Variants in TMEM156 observed in about 807,000 individuals in gnomAD.
The protein encoded by TMEM156 is transmembrane protein 156.
TMEM156 carries 28 observed loss-of-function variants against 30.5 expected under a neutral mutation model. The observed-to-expected ratio is 0.92, with a 90% CI of 0.68 to 1.26. The LOEUF is 1.26. TMEM156 is among the 50% of genes most tolerant of loss of function. TMEM156 has a pLI of 0.00. For missense variants in TMEM156, 351 were observed against 340.6 expected, an observed-to-expected ratio of 1.03 and a Z score of -0.24; for synonymous variants, 137 against 119.9, an observed-to-expected ratio of 1.14 and a Z score of -0.93.
chr4:39,019,405 T>C (rs1897133), intron 1 of TMEM156, among the ~76,000 whole-genome samples: 31,335 of 152,152 alleles, frequency 0.21, 4,374 homozygotes, highest in African/African-American at 0.4. Flanking sequence ...GTTGGTTCTT[T>C]TTCAAATCTG....
At chr4:38,986,089 A>G (rs59906750) in intron 5 of TMEM156, among the ~76,000 whole-genome samples, 3,457 of 152,284 alleles carry the variant, frequency 0.023, 132 homozygotes, top group African/African-American at 0.079. Flanking sequence ...TCCTCTGCCT[A>G]CTCACATGAA....
chr4:38,973,526 A>AT (rs917368051), intron 5 of TMEM156, among the ~76,000 whole-genome samples: 5 of 152,078 alleles, frequency 3.3e-5, no homozygotes, highest in Non-Finnish European at 5.9e-5. Flanking sequence ...GATCCCATTA[A>AT]TTTTTTAAAT....
chr4:38,979,900 G>A (rs1039271349), intron 5 of TMEM156, among the ~76,000 whole-genome samples: 5 of 152,160 alleles, frequency 3.3e-5, no homozygotes, highest in Non-Finnish European at 5.9e-5. Flanking sequence ...CCAGAGAAAT[G>A]CAGAACTTCA....
At chr4:38,988,319 G>A (rs1280414910) in intron 4 of TMEM156, among the ~76,000 whole-genome samples, 1 of 152,188 alleles carries the variant, frequency 6.6e-6, no homozygotes, top group Non-Finnish European at 1.5e-5. Context: ...CACATCCTGG[G>A]CTCAAGTGAT....
chr4:39,012,071 T>C (rs1189748814), intron 1 of TMEM156, among the ~76,000 whole-genome samples: 2 of 152,152 alleles, frequency 1.3e-5, no homozygotes, highest in East Asian at 1.9e-4. Flanking sequence ...GGGTAATATG[T>C]TCACCACTTG....
intron 6 of TMEM156, among the ~76,000 whole-genome samples, chr4:38,967,908 G>A (rs1279128070): frequency 6.6e-6 from 1 of 152,174 alleles, no homozygotes; most frequent in Non-Finnish European, 1.5e-5. Context: ...CCCAGTAGTG[G>A]GATTGCTAAA....
At chr4:39,025,747 A>C (rs541076824) in intron 1 of TMEM156, among the ~76,000 whole-genome samples, 28 of 152,354 alleles carry the variant, frequency 1.8e-4, no homozygotes, top group African/African-American at 6.7e-4. Context: ...AGAAAATGGC[A>C]GGAAAATGAC....
intron 1 of TMEM156, among the ~76,000 whole-genome samples, chr4:39,003,638 GATT>G (rs1381075855): frequency 8.1e-6 from 1 of 123,484 alleles, no homozygotes; most frequent in African/African-American, 2.8e-5. Context: ...GTTGTAATCA[GATT>G]GTAACTACAA....
intron 1 of TMEM156, among the ~76,000 whole-genome samples, chr4:39,018,396 G>T (rs540024977): frequency 7.2e-4 from 109 of 152,208 alleles, no homozygotes; most frequent in Non-Finnish European, 8.4e-4. Flanking sequence ...GATTTGTTTA[G>T]ATTTACTCAC....
chr4:39,009,543 T>C (rs183459346), intron 1 of TMEM156, among the ~76,000 whole-genome samples: 1 of 152,242 alleles, frequency 6.6e-6, no homozygotes, highest in African/African-American at 2.4e-5. Context: ...AAGCAATTAA[T>C]TCACCACAAT....
intron 3 of TMEM156, among the ~76,000 whole-genome samples, 172 bp downstream of exon 3, chr4:38,993,566 T>A (rs554454831): frequency 6.6e-6 from 1 of 152,190 alleles, no homozygotes; most frequent in Non-Finnish European, 1.5e-5. Flanking sequence ...ATAAAAAGCA[T>A]ATTTTGAAAG....
At chr4:38,991,923 G>C (rs1712494276) in intron 3 of TMEM156, among the ~76,000 whole-genome samples, 1 of 152,028 alleles carries the variant, frequency 6.6e-6, no homozygotes, top group Admixed American at 6.6e-5. Flanking sequence ...CTTCTGTTCA[G>C]ATCTACTCAG....
chr4:39,020,539 A>C (rs898460547), intron 1 of TMEM156, among the ~76,000 whole-genome samples: 5 of 151,780 alleles, frequency 3.3e-5, no homozygotes, highest in African/African-American at 9.7e-5. Flanking sequence ...CCTTATTAGT[A>C]GTTCTTATTT....
At chr4:38,975,888 A>G (rs557242102) in intron 5 of TMEM156, among the ~76,000 whole-genome samples, 1 of 152,322 alleles carries the variant, frequency 6.6e-6, no homozygotes, top group South Asian at 2.1e-4. Context: ...TCCCAAATCA[A>G]TAAAAGGGGA....
intron 5 of TMEM156, among the ~76,000 whole-genome samples, chr4:38,983,908 C>G (rs572446849): frequency 2.0e-5 from 3 of 152,338 alleles, no homozygotes; most frequent in Admixed American, 6.5e-5. Flanking sequence ...GCTCTTTTTA[C>G]TCTATACTTA....
intron 2 of TMEM156, among the ~76,000 whole-genome samples, chr4:38,997,437 T>A (rs1410921365): frequency 6.6e-6 from 1 of 151,928 alleles, no homozygotes; most frequent in Non-Finnish European, 1.5e-5. Context: ...TGATATATTT[T>A]TTAAAAGAAG....
At chr4:39,006,124 G>A (rs1713720041) in intron 1 of TMEM156, among the ~76,000 whole-genome samples, 1 of 152,064 alleles carries the variant, frequency 6.6e-6, no homozygotes, top group African/African-American at 2.4e-5. Context: ...TCAAACTCCT[G>A]ACCCCAAGTT....
chr4:39,020,426 G>A (rs1714784770), intron 1 of TMEM156, among the ~76,000 whole-genome samples: 1 of 152,168 alleles, frequency 6.6e-6, no homozygotes, highest in South Asian at 2.1e-4. Flanking sequence ...TAAAGAGACA[G>A]GATCCTACTA....
At chr4:38,969,388 T>C (rs1468318131) in intron 6 of TMEM156, among the ~76,000 whole-genome samples, 4 of 152,230 alleles carry the variant, frequency 2.6e-5, no homozygotes, top group Non-Finnish European at 1.5e-5. Flanking sequence ...TCCAGTCCCA[T>C]CCAAGTTGCT....
Sources: gnomAD v4.1 joint callset for allele counts (sites outside exome capture counted in the v4.1 genomes callset) on GRCh38, gnomAD v4.1.1 for gene constraint, MANE v1.5 for transcripts, NCBI Gene and HGNC (gene_info 2026-07-23, HGNC 2026-07-21) for gene names.